Variants in CACNG4 observed in about 807,000 individuals in gnomAD.
CACNG4 encodes voltage-dependent calcium channel gamma-4 subunit.
A neutral mutation model predicts 22.9 loss-of-function variants in CACNG4; 8 were observed. The ratio of observed to expected loss-of-function variants is 0.35; its 90% CI spans 0.21 to 0.63. The LOEUF is 0.63. CACNG4 is among the 30% of genes least tolerant of loss of function. The pLI is 0.72. For synonymous variants in CACNG4, 188 were observed against 191.9 expected (o/e 0.98, Z 0.17); for missense variants, 357 against 455.4 (o/e 0.78, Z 1.97).
chr17:67,018,346 G>A, intron 2 of CACNG4, 74 bp downstream of exon 2: 1 of 1,048,652 alleles, frequency 9.5e-7, no homozygotes, highest in Non-Finnish European at 1.5e-6. Flanking sequence ...GGAGGAAAGA[G>A]AGACACTGGG....
intron 2 of CACNG4, among the ~76,000 whole-genome samples, chr17:67,023,610 C>T (rs1205483816): frequency 2.1e-5 from 3 of 142,988 alleles, no homozygotes; most frequent in Admixed American, 1.4e-4. Flanking sequence ...TCACTCTTGT[C>T]GCCCAGGCTG....
intron 1 of CACNG4, among the ~76,000 whole-genome samples, chr17:67,001,368 CT>C (rs1326100320): frequency 6.6e-6 from 1 of 152,188 alleles, no homozygotes. Context: ...CCTGCCACCC[CT>C]GTCCCCTCCC....
intron 1 of CACNG4, among the ~76,000 whole-genome samples, chr17:66,995,196 C>T (rs1395437332): frequency 2.0e-5 from 3 of 152,200 alleles, no homozygotes; most frequent in African/African-American, 7.2e-5. Context: ...CATTTTCCAG[C>T]TGTTATTTGC....
chr17:66,997,077 A>G (rs2035379960), intron 1 of CACNG4, among the ~76,000 whole-genome samples: 1 of 152,158 alleles, frequency 6.6e-6, no homozygotes, highest in Non-Finnish European at 1.5e-5. Context: ...TGGCATGACC[A>G]AACTCTATGC....
chr17:67,025,277 T>G (rs1028684471), intron 3 of CACNG4, among the ~76,000 whole-genome samples: 1 of 152,234 alleles, frequency 6.6e-6, no homozygotes, highest in African/African-American at 2.4e-5. Context: ...GATTGTGCCC[T>G]TCAAAAGGGT....
chr17:66,971,233 A>C (rs1172437980), intron 1 of CACNG4, among the ~76,000 whole-genome samples: 4 of 146,856 alleles, frequency 2.7e-5, no homozygotes, highest in Non-Finnish European at 4.5e-5. Flanking sequence ...TTGCTGGAGG[A>C]GGGGTTTCCA....
chr17:67,028,019 C>CA (rs898896822), intron 3 of CACNG4, among the ~76,000 whole-genome samples: 10 of 149,460 alleles, frequency 6.7e-5, no homozygotes, highest in Admixed American at 4.7e-4. Context: ...GACTCTGTCT[C>CA]AAAAAAAATA....
intron 1 of CACNG4, among the ~76,000 whole-genome samples, chr17:66,998,504 A>G (rs2035388515): frequency 1.3e-5 from 2 of 152,104 alleles, no homozygotes; most frequent in South Asian, 4.1e-4. Context: ...TGGGATACTT[A>G]TTTAACGTGA....
chr17:67,008,201 C>A (rs1265568928), intron 1 of CACNG4, among the ~76,000 whole-genome samples: 1 of 152,160 alleles, frequency 6.6e-6, no homozygotes, highest in Non-Finnish European at 1.5e-5. Flanking sequence ...GAGCCACTAG[C>A]AGGCCAGGAA....
At chr17:66,976,853 C>T (rs2035240863) in intron 1 of CACNG4, among the ~76,000 whole-genome samples, 1 of 152,188 alleles carries the variant, frequency 6.6e-6, no homozygotes, top group South Asian at 2.1e-4. Context: ...TGGTGGTAAC[C>T]TCACACGTCG....
At chr17:67,008,607 G>A (rs1450510966) in intron 1 of CACNG4, among the ~76,000 whole-genome samples, 2 of 152,086 alleles carry the variant, frequency 1.3e-5, no homozygotes, top group Non-Finnish European at 2.9e-5. Context: ...CATCCCCACC[G>A]AAAATTCTTA....
intron 1 of CACNG4, among the ~76,000 whole-genome samples, chr17:67,003,691 T>C (rs2035421519): frequency 1.3e-5 from 2 of 152,216 alleles, no homozygotes; most frequent in South Asian, 4.1e-4. Flanking sequence ...GTTGTGACAA[T>C]CACAACTGTC....
chr17:67,022,190 T>C (rs898346128), intron 2 of CACNG4, among the ~76,000 whole-genome samples: 1 of 151,732 alleles, frequency 6.6e-6, no homozygotes, highest in Non-Finnish European at 1.5e-5. Flanking sequence ...TTCTTGTGCC[T>C]CAGCCTCCTG....
In CACNG4 at chr17:67,030,847, T is replaced by C. The variant is rs762265124; in HGVS notation, c.827T>C (p.Met276Thr). 4.2e-5 allele frequency: 68 copies of C among 1,613,556 alleles called. No individual in the cohort carries two copies. The Middle Eastern group carries it at 8.2e-4, about 20-fold the overall frequency. Residue 276 changes from methionine to threonine, a missense_variant, in exon 4 of 4, where the codon ATG becomes ACG. Physicochemically the swap from Met to Thr is moderately conservative, Grantham distance 81. Transcript: ENST00000262138. The surrounding 1 kb of genome is among the most constrained non-coding windows in gnomAD (Gnocchi z 6.4). ...GCCATCCCCATGGGGGAGCTGTCCA[T>C]GTACACGCTGTCCAGGGAGCCCCTC... ...TGAIPMGELS[M>T]YTLSREPLKV...
At chr17:66,977,570 C>A (rs905463964) in intron 1 of CACNG4, among the ~76,000 whole-genome samples, 1 of 152,180 alleles carries the variant, frequency 6.6e-6, no homozygotes, top group Non-Finnish European at 1.5e-5. Context: ...GATAGACCCT[C>A]CCCTCCCCCA....
chr17:67,009,580 G>A (rs577722802), intron 1 of CACNG4, among the ~76,000 whole-genome samples: 7 of 152,270 alleles, frequency 4.6e-5, no homozygotes, highest in African/African-American at 1.7e-4. Flanking sequence ...ACAAAATATA[G>A]TGTATCTGTA....
intron 1 of CACNG4, among the ~76,000 whole-genome samples, chr17:66,994,876 G>A (rs1034407201): frequency 1.3e-5 from 2 of 152,152 alleles, no homozygotes; most frequent in African/African-American, 2.4e-5. Flanking sequence ...TGGTGAAGGG[G>A]GGAATGGGGG....
intron 1 of CACNG4, among the ~76,000 whole-genome samples, chr17:66,996,955 GC>G (rs551464826): frequency 2.0e-5 from 3 of 152,130 alleles, no homozygotes; most frequent in Non-Finnish European, 4.4e-5. Flanking sequence ...AAAGGGAACA[GC>G]CCAAGCTAGA....
At chr17:67,022,528 GAGA>G (rs776184574) in intron 2 of CACNG4, among the ~76,000 whole-genome samples, 102 of 152,366 alleles carry the variant, frequency 6.7e-4, no homozygotes, top group Middle Eastern at 3.4e-3. Context: ...AGGCACCGGA[GAGA>G]AGAACTGCAT....
Sources: gnomAD v4.1 joint callset for allele counts (sites outside exome capture counted in the v4.1 genomes callset) on GRCh38, gnomAD v4.1.1 for gene constraint, Gnocchi (gnomAD v3.1) non-coding constraint, MANE v1.5 for transcripts, NCBI Gene and HGNC (gene_info 2026-07-23, HGNC 2026-07-21) for gene names.